TACR1: variants seen among roughly 807,000 people sequenced by gnomAD.
The protein encoded by TACR1 is tachykinin receptor 1, also known as substance-P receptor.
In TACR1, 25 loss-of-function variants were observed where a neutral mutation model predicts 35.8. The observed-to-expected ratio is 0.70, with a 90% CI of 0.51 to 0.98. The LOEUF (loss-of-function observed/expected upper bound fraction) is 0.98. Among genes scored for constraint, TACR1 ranks in the 50% least tolerant of loss-of-function variants. The probability of loss-of-function intolerance (pLI) is 0.00; values close to 1 mark genes in which losing one functional copy is unlikely to be tolerated. For synonymous variants in TACR1, 195 were observed against 206.7 expected, an observed-to-expected ratio of 0.94 and a Z score of 0.48; for missense variants, 478 against 522.9, an observed-to-expected ratio of 0.91 and a Z score of 0.84.
At chr2:75,077,315 T>G (rs181801916) in intron 2 of TACR1, among the ~76,000 whole-genome samples, 242 of 152,328 alleles carry the variant, frequency 1.6e-3, no homozygotes, top group African/African-American at 5.5e-3. Context: ...AGAGAGAGAA[T>G]ACTTTGGACA....
At chr2:75,105,561 G>T (rs1400826912) in intron 2 of TACR1, among the ~76,000 whole-genome samples, 1 of 151,928 alleles carries the variant, frequency 6.6e-6, no homozygotes, top group Admixed American at 6.6e-5. Flanking sequence ...GTATTGAAGT[G>T]ATAAATATTT....
chr2:75,078,629 T>C (rs1410288538), intron 2 of TACR1, among the ~76,000 whole-genome samples: 1 of 152,190 alleles, frequency 6.6e-6, no homozygotes, highest in African/African-American at 2.4e-5. Context: ...GTCACATCAT[T>C]TGTGCCATTT....
chr2:75,077,104 TGG>T (rs1672995820), intron 2 of TACR1, among the ~76,000 whole-genome samples: 1 of 152,048 alleles, frequency 6.6e-6, no homozygotes, highest in Non-Finnish European at 1.5e-5. Flanking sequence ...CTGAGTAGCT[TGG>T]ATTACAGGCA....
chr2:75,184,259 A>G (rs1220935952), intron 1 of TACR1, among the ~76,000 whole-genome samples: 1 of 152,198 alleles, frequency 6.6e-6, no homozygotes, highest in Non-Finnish European at 1.5e-5. Context: ...CAAATTAAGT[A>G]TCTAGATTTG....
intron 2 of TACR1, among the ~76,000 whole-genome samples, chr2:75,086,557 A>T (rs1464155241): frequency 6.6e-6 from 1 of 152,120 alleles, no homozygotes; most frequent in East Asian, 1.9e-4. Context: ...CCATTGTACT[A>T]TATCTCCAAG....
chr2:75,197,280 T>C (rs1676016233), intron 1 of TACR1, among the ~76,000 whole-genome samples: 1 of 152,192 alleles, frequency 6.6e-6, no homozygotes, highest in Non-Finnish European at 1.5e-5. Context: ...TTCCCTGATT[T>C]TAAAAGTGTT....
chr2:75,175,678 T>C (rs1349644821), intron 1 of TACR1, among the ~76,000 whole-genome samples: 1 of 152,132 alleles, frequency 6.6e-6, no homozygotes, highest in African/African-American at 2.4e-5. Context: ...GCGAGGCTGC[T>C]TGTGATTACA....
chr2:75,172,805 A>G (rs1675322502), intron 1 of TACR1, among the ~76,000 whole-genome samples: 1 of 152,120 alleles, frequency 6.6e-6, no homozygotes, highest in South Asian at 2.1e-4. Context: ...AAATTGGCAG[A>G]GTTGGTTCCT....
At chr2:75,166,283 C>T (rs1294424980) in intron 1 of TACR1, among the ~76,000 whole-genome samples, 1 of 152,070 alleles carries the variant, frequency 6.6e-6, no homozygotes, top group African/African-American at 2.4e-5. Flanking sequence ...GAAACTAGCG[C>T]AAATCTTTTC....
In TACR1 at chr2:75,097,378, G is replaced by GTT. The variant is rs11428453; in HGVS notation, c.584+23194_584+23195dup. ...TTTCAGCAACACCATTTCTTCATTA[G>GTT]TTTTTTTTTTTTCCTACTGTAGGTG... On this transcript the variant is annotated intron_variant, in intron 2 of 4. Transcript: ENST00000305249. 3.4e-3 allele frequency among the ~76,000 whole-genome samples: 506 copies of GTT among 148,382 alleles called. 2 individuals carry two copies. The highest frequency in any genetic ancestry group is 7.0e-3 in the Middle Eastern group (2 of 284).
intron 2 of TACR1, among the ~76,000 whole-genome samples, chr2:75,110,839 T>C (rs1020516472): frequency 6.6e-6 from 1 of 152,036 alleles, no homozygotes; most frequent in Non-Finnish European, 1.5e-5. Context: ...TTTCTAAGAA[T>C]GTAATTGCTG....
chr2:75,158,893 C>A (rs1674933401), intron 1 of TACR1, among the ~76,000 whole-genome samples: 1 of 152,186 alleles, frequency 6.6e-6, no homozygotes, highest in African/African-American at 2.4e-5. Context: ...CAGCTTCCAG[C>A]AAGTTATCTC....
intron 1 of TACR1, among the ~76,000 whole-genome samples, chr2:75,154,731 G>A (rs1376543129): frequency 4.0e-5 from 6 of 151,886 alleles, no homozygotes; most frequent in Non-Finnish European, 8.8e-5. Flanking sequence ...GTCTTCTCTG[G>A]GTTTTCTGGC....
intron 1 of TACR1, among the ~76,000 whole-genome samples, chr2:75,171,329 G>A (rs765237779): frequency 3.9e-5 from 6 of 152,244 alleles, no homozygotes; most frequent in African/African-American, 7.2e-5. Flanking sequence ...AAGAATTGAT[G>A]TTTGGGAACC....
Position 75,198,914 on chromosome 2 carries a change from C to T in TACR1, c.21G>A (p.Val7=), listed in dbSNP as rs1676063684. The T allele has an allele frequency of 6.2e-7, 1 of 1,613,396 alleles. No homozygotes were observed. Among genetic ancestry groups the T allele is most frequent in the Admixed American group, 1.7e-5 (1 of 60,004 alleles). ...AGATGTTTGGGGAGAGGTCTGAGTC[C>T]ACCGGGAGGACGTTATCCATTTCGA... MDNVLP[V]DSDLSPNIST... The change falls in exon 1 of 5, where the codon GTG becomes GTA. Residue 7 remains valine, a synonymous_variant. Transcript: ENST00000305249.
chr2:75,124,164 G>A (rs939637180), intron 1 of TACR1, among the ~76,000 whole-genome samples: 1 of 152,264 alleles, frequency 6.6e-6, no homozygotes, highest in Non-Finnish European at 1.5e-5. Context: ...GATTTGAATT[G>A]TATGTGTCCT....
chr2:75,092,353 G>T (rs1367726122), intron 2 of TACR1, among the ~76,000 whole-genome samples: 1 of 151,958 alleles, frequency 6.6e-6, no homozygotes, highest in Non-Finnish European at 1.5e-5. Context: ...TTAATGCATT[G>T]TGGTGCTCAG....
intron 1 of TACR1, among the ~76,000 whole-genome samples, chr2:75,134,476 G>A (rs1674240821): frequency 6.6e-6 from 1 of 152,176 alleles, no homozygotes; most frequent in Non-Finnish European, 1.5e-5. Context: ...GTGCTCCAGA[G>A]GACTTATGAT....
At position 75,047,911 on chromosome 2, in the gene TACR1, T is replaced by G. The variant is rs557533780; in HGVS notation, c.*1521A>C. ...ATGCAAACTACCAGGAGGACATTCA[T>G]GGATGTTACATGAAGCTTCTGCTTC... On this transcript the variant is annotated 3_prime_UTR_variant, in exon 5 of 5. Transcript: ENST00000305249. The G allele has an allele frequency of 3.9e-5, 6 of 152,236 alleles. No homozygotes were observed. Among genetic ancestry groups the G allele is most frequent in the Admixed American group, 3.9e-4 (6 of 15,292 alleles). The allele number at this position is 152,236 out of a possible 1,614,324, so 9.4% of individuals were successfully genotyped here.
Sources: allele counts gnomAD v4.1 joint callset (sites outside exome capture counted in the v4.1 genomes callset), GRCh38; gene constraint gnomAD v4.1.1; transcripts MANE v1.5; gene names NCBI Gene and HGNC (gene_info 2026-07-23, HGNC 2026-07-21).